ANKRD44: variants seen among roughly 807,000 people sequenced by gnomAD.
ANKRD44 encodes ankyrin repeat domain 44.
Under a neutral mutation model 116.0 loss-of-function variants are expected in ANKRD44, and 35 were observed. The observed-to-expected ratio is 0.30, with a 90% CI of 0.23 to 0.40. The LOEUF is 0.40. ANKRD44 is among the 10% of genes least tolerant of loss of function. ANKRD44 has a pLI of 1.00. For synonymous variants in ANKRD44, 435 were observed against 461.8 expected, an observed-to-expected ratio of 0.94 and a Z score of 0.74; for missense variants, 1,014 against 1,242.6, an observed-to-expected ratio of 0.82 and a Z score of 2.77.
At chr2:197,273,976 A>AT (rs57767335) in intron 1 of ANKRD44, among the ~76,000 whole-genome samples, 648 of 53,486 alleles carry the variant, frequency 0.012, 57 homozygotes, top group Non-Finnish European at 0.019. Context: ...AAAAAAAAAA[A>AT]AAAAATATAT....
At chr2:197,238,951 C>T (rs111540760) in intron 1 of ANKRD44, among the ~76,000 whole-genome samples, 12 of 152,170 alleles carry the variant, frequency 7.9e-5, no homozygotes, top group East Asian at 3.9e-4. Context: ...GTGATCTGCT[C>T]GTCCTGGCCC....
At chr2:197,024,883 TA>T (rs2076561969) in intron 17 of ANKRD44, among the ~76,000 whole-genome samples, 1 of 152,254 alleles carries the variant, frequency 6.6e-6, no homozygotes, top group Non-Finnish European at 1.5e-5. Context: ...CTTTGAATTT[TA>T]AAGACGGTTA....
intron 1 of ANKRD44, among the ~76,000 whole-genome samples, chr2:197,247,582 G>C (rs892520347): frequency 3.9e-5 from 6 of 152,174 alleles, no homozygotes; most frequent in African/African-American, 1.4e-4. Flanking sequence ...TCGTGCATGA[G>C]AGGACACAAA....
At chr2:197,032,669 T>A (rs1243682879) in intron 16 of ANKRD44, among the ~76,000 whole-genome samples, 2 of 152,178 alleles carry the variant, frequency 1.3e-5, no homozygotes, top group Non-Finnish European at 2.9e-5. Context: ...ATTACAGGCG[T>A]GAGCCATGGC....
At chr2:197,209,644 T>C (rs1000083372) in intron 1 of ANKRD44, among the ~76,000 whole-genome samples, 2 of 152,254 alleles carry the variant, frequency 1.3e-5, no homozygotes, top group South Asian at 2.1e-4. Context: ...CCACCAGTTA[T>C]GTCATCAGTT....
chr2:197,235,774 A>G (rs906038236), intron 1 of ANKRD44, among the ~76,000 whole-genome samples: 3 of 152,124 alleles, frequency 2.0e-5, no homozygotes, highest in Non-Finnish European at 1.5e-5. Flanking sequence ...AATACAATAA[A>G]CTAACAATGC....
intron 2 of ANKRD44, among the ~76,000 whole-genome samples, chr2:197,148,634 A>G (rs1574551700): frequency 6.6e-6 from 1 of 152,206 alleles, no homozygotes; most frequent in East Asian, 1.9e-4. Context: ...ATGACTCACT[A>G]ATATCTAAAA....
At chr2:197,292,372 T>C (rs1372055898) in intron 1 of ANKRD44, among the ~76,000 whole-genome samples, 1 of 152,220 alleles carries the variant, frequency 6.6e-6, no homozygotes, top group Non-Finnish European at 1.5e-5. Context: ...CCATTCTAAC[T>C]GGCATGAGAT....
At chr2:197,258,457 C>A (rs1413185472) in intron 1 of ANKRD44, among the ~76,000 whole-genome samples, 1 of 152,132 alleles carries the variant, frequency 6.6e-6, no homozygotes, top group East Asian at 1.9e-4. Flanking sequence ...ATAATATTCA[C>A]ATATATCACA....
intron 21 of ANKRD44, among the ~76,000 whole-genome samples, chr2:196,967,763 G>C (rs2075684389): frequency 6.6e-6 from 1 of 152,168 alleles, no homozygotes; most frequent in Non-Finnish European, 1.5e-5. Context: ...TTAAGAATCT[G>C]AAAAACAATT....
At chr2:197,245,177 T>C (rs2082165121) in intron 1 of ANKRD44, among the ~76,000 whole-genome samples, 1 of 152,102 alleles carries the variant, frequency 6.6e-6, no homozygotes, top group South Asian at 2.1e-4. Context: ...GGAGAATCAC[T>C]TGAACCCAGG....
chr2:197,077,893 G>A (rs2077705872), intron 16 of ANKRD44: 1 of 152,094 alleles, frequency 6.6e-6, no homozygotes, highest in Non-Finnish European at 1.5e-5. Flanking sequence ...TCAAAGGGGG[G>A]TAATTTCATT....
At chr2:196,985,363 A>G (rs1055394431), downstream of ANKRD44, among the ~76,000 whole-genome samples, 1 of 152,242 alleles carries the variant, frequency 6.6e-6, no homozygotes, top group African/African-American at 2.4e-5. Flanking sequence ...AATTTGTTAC[A>G]CAGCAATAGA....
chr2:197,131,466 C>A (rs2079094502), intron 4 of ANKRD44, among the ~76,000 whole-genome samples: 1 of 152,210 alleles, frequency 6.6e-6, no homozygotes, highest in Non-Finnish European at 1.5e-5. Flanking sequence ...GCTGGGATTA[C>A]AGGCGTGAGC....
At chr2:197,198,062 A>T (rs2081000668) in intron 1 of ANKRD44, 1 of 152,200 alleles carries the variant, frequency 6.6e-6, no homozygotes, top group Non-Finnish European at 1.5e-5. Flanking sequence ...ACTGGGGAGG[A>T]TTTAAACAGG....
rs551031677 is a variant in ANKRD44, at chr2:197,237,799, G to A, written c.28-50693C>T. On this transcript the variant is annotated intron_variant, in intron 1 of 27. Transcript: ENST00000282272. ...TTTGTCATGAAAGGGAATGTTTAAC[G>A]CCTTACAAAAGTGACATCCTTGACA... 3.9e-5 allele frequency among the ~76,000 whole-genome samples: 6 copies of A among 152,304 alleles called. No homozygotes were observed. In the East Asian group the frequency reaches 9.6e-4, roughly 24 times the overall value.
intron 16 of ANKRD44, among the ~76,000 whole-genome samples, chr2:197,045,527 C>T (rs2076986434): frequency 6.8e-6 from 1 of 147,566 alleles, no homozygotes; most frequent in Non-Finnish European, 1.5e-5. Flanking sequence ...TAAATTTCCA[C>T]CCCTGTTATT....
chr2:197,213,855 A>T (rs557221815), intron 1 of ANKRD44, among the ~76,000 whole-genome samples: 16 of 152,330 alleles, frequency 1.1e-4, no homozygotes, highest in African/African-American at 3.6e-4. Flanking sequence ...AAAAAGGTAC[A>T]TACAGCAACT....
chr2:197,219,448 T>C lies in ANKRD44; in HGVS notation c.28-32342A>G, dbSNP rs572356425. Among the ~76,000 whole-genome samples, 7 of 152,312 alleles carry C rather than the reference T, an allele frequency of 4.6e-5. No homozygotes were observed. In the South Asian group the frequency reaches 1.4e-3, roughly 32 times the overall value. ...CACTAACATTGTTATATGACATCAC[T>C]ATTGACCACTTCCAGAACATAAAGT... On this transcript the variant is annotated intron_variant, in intron 1 of 27. Transcript: ENST00000282272.
Sources: allele counts gnomAD v4.1 joint callset (sites outside exome capture counted in the v4.1 genomes callset), GRCh38; gene constraint gnomAD v4.1.1; transcripts MANE v1.5; gene names NCBI Gene and HGNC (gene_info 2026-07-23, HGNC 2026-07-21).